The following AP4S1 variants were observed in gnomAD, a reference collection of about 807,000 sequenced individuals.
AP4S1 encodes adaptor related protein complex 4 subunit sigma 1.
In AP4S1, 23 loss-of-function variants were observed where a neutral mutation model predicts 19.8. The observed-to-expected ratio is 1.16, with a 90% CI of 0.84 to 1.65. The LOEUF is 1.65. Ranked by LOEUF, AP4S1 falls within the 40% of genes most tolerant of loss-of-function variation. The pLI is 0.00. For missense variants in AP4S1, 166 were observed against 172.8 expected (o/e 0.96, Z 0.22); for synonymous variants, 46 against 54.1 (o/e 0.85, Z 0.66).
chr14:31,079,782 T>C (rs1665229295), intron 4 of AP4S1, among the ~76,000 whole-genome samples: 1 of 152,114 alleles, frequency 6.6e-6, no homozygotes, highest in African/African-American at 2.4e-5. Flanking sequence ...ACCAAGATCA[T>C]GCCACTGCAC....
At chr14:31,065,629 T>C (rs1191536162) in intron 1 of AP4S1, among the ~76,000 whole-genome samples, 1 of 152,170 alleles carries the variant, frequency 6.6e-6, no homozygotes, top group Non-Finnish European at 1.5e-5. Context: ...TGAAAATTTA[T>C]CATTGGTTTT....
At chr14:31,080,719 C>A in intron 5 of AP4S1, 135 bp downstream of exon 5, 2 of 1,275,996 alleles carry the variant, frequency 1.6e-6, no homozygotes, top group Non-Finnish European at 2.3e-6. Context: ...ACAAGACAGC[C>A]AGAGGTGTGT....
At position 31,093,154 on chromosome 14, in the gene AP4S1, C is replaced by A; in HGVS notation, c.*119C>A. On this transcript the variant is annotated 3_prime_UTR_variant, in exon 6 of 6. Transcript: ENST00000542754. The stretch of plus-strand genomic sequence containing the variant: ...ACAATTACAAAATGGGGTATCCTTC[C>A]AAAGACATTATAAATAGGCATTTTC... 2.9e-6 allele frequency: 3 copies of A among 1,021,708 alleles called. No homozygotes were observed. Among genetic ancestry groups the A allele is most frequent in the Non-Finnish European group, 4.1e-6 (3 of 730,500 alleles). 63.3% of individuals were successfully genotyped at this position (1,021,708 alleles called of 1,614,324 possible).
chr14:31,055,081 T>C (rs1285005458), intron 1 of AP4S1, among the ~76,000 whole-genome samples: 2 of 150,580 alleles, frequency 1.3e-5, no homozygotes, highest in East Asian at 3.9e-4. Flanking sequence ...AAGGTATATC[T>C]CTGTATATCA....
intron 1 of AP4S1, among the ~76,000 whole-genome samples, chr14:31,047,810 C>G (rs567135934): frequency 6.6e-6 from 1 of 152,048 alleles, no homozygotes; most frequent in Admixed American, 6.6e-5. Context: ...ACAAGCCTCC[C>G]GAGTAGTTGG....
rs144109125 is a variant in AP4S1, at chr14:31,072,907, C to T, written c.228C>T (p.Asn76=). ...GTACCTTTCTTCTTTTATTGTAGAA[C>T]GAGATGGCTATTTATGAATTCATTC... is the stretch of plus-strand genomic sequence containing the variant. ...FIVVGVNDTE[N]EMAIYEFIHN... Residue 76 remains asparagine, a splice_region_variant and synonymous_variant, in exon 4 of 6, where the codon AAC becomes AAT. Transcript: ENST00000542754. 164 of 1,611,896 alleles carry T rather than the reference C, an allele frequency of 1.0e-4. No individual in the cohort carries two copies. The highest frequency in any genetic ancestry group is 7.1e-4 in the African/African-American group (53 of 74,992).
At chr14:31,081,931 A>G (rs1313666984) in intron 5 of AP4S1, among the ~76,000 whole-genome samples, 2 of 152,068 alleles carry the variant, frequency 1.3e-5, no homozygotes, top group Admixed American at 6.6e-5. Flanking sequence ...TCCTCACCTC[A>G]GATGATCCGC....
At position 31,069,872 on chromosome 14, in the gene AP4S1, G is replaced by A. The variant is rs371132403; in HGVS notation, c.168G>A (p.Lys56=). ...QCSFIEYKDF[K]LIYRQYAALF... ...CTTTCATTGAATATAAGGATTTTAA[G>A]CTGATATATCGGCAGTATGCAGCTC... Residue 56 remains lysine (K), a synonymous_variant, in exon 3 of 6, where the codon AAG becomes AAA. Transcript: ENST00000542754. 12 of 1,613,394 alleles carry A rather than the reference G, an allele frequency of 7.4e-6. No individual in the cohort carries two copies. The highest frequency in any genetic ancestry group is 9.3e-6 in the Non-Finnish European group (11 of 1,179,450).
rs1488470578 is a variant in AP4S1, at chr14:31,069,885, C to G, written c.181C>G (p.Gln61Glu). The change falls in exon 3 of 6, where the codon CAG becomes GAG. Residue 61 changes from glutamine (Q) to glutamate (E), a missense_variant. Physicochemically the swap from Gln to Glu is conservative, Grantham distance 29. Transcript: ENST00000542754. ...TAAGGATTTTAAGCTGATATATCGG[C>G]AGTATGCAGCTCTCTTCATTGTGGT... ...EYKDFKLIYR[Q>E]YAALFIVVGV... is the part of the protein sequence containing the mutation. The G allele has an allele frequency of 2.5e-6, 4 of 1,613,456 alleles. No homozygotes were observed. The African/African-American group carries it at 4.0e-5, about 16-fold the overall frequency.
chr14:31,048,600 G>A (rs191875127), intron 1 of AP4S1, among the ~76,000 whole-genome samples: 9 of 151,976 alleles, frequency 5.9e-5, no homozygotes, highest in African/African-American at 2.2e-4. Context: ...TTAGCTGGGC[G>A]TGGTGGCACA....
chr14:31,062,569 A>G (rs1251438284), intron 1 of AP4S1, among the ~76,000 whole-genome samples: 1 of 152,210 alleles, frequency 6.6e-6, no homozygotes, highest in Non-Finnish European at 1.5e-5. Flanking sequence ...CTTTCTTTGT[A>G]TTCTCAGAGG....
At chr14:31,064,981 C>T (rs968198938) in intron 1 of AP4S1, among the ~76,000 whole-genome samples, 1 of 152,042 alleles carries the variant, frequency 6.6e-6, no homozygotes, top group African/African-American at 2.4e-5. Context: ...AACAGAAGTA[C>T]CTACCTCAAA....
intron 1 of AP4S1, chr14:31,026,467 G>C (rs1276265258): frequency 2.6e-6 from 1 of 390,520 alleles, no homozygotes; most frequent in Non-Finnish European, 4.5e-6. Context: ...GCGGAGGGCC[G>C]TCACTAGCGC....
intron 5 of AP4S1, chr14:31,085,078 C>T (rs1261097786): frequency 2.3e-5 from 32 of 1,408,256 alleles, no homozygotes; most frequent in Non-Finnish European, 2.8e-5. Flanking sequence ...GCCTTCAGGC[C>T]TGGACAGCCA....
intron 1 of AP4S1, among the ~76,000 whole-genome samples, chr14:31,052,934 A>ATTTTTTT (rs1209280743): frequency 4.0e-5 from 4 of 101,210 alleles, no homozygotes; most frequent in African/African-American, 1.2e-4. Context: ...AGTGTGCTAA[A>ATTTTTTT]TTTTTTTTTT....
At chr14:31,054,867 CAAAAAAAAAAAAAAA>C (rs1162029946) in intron 1 of AP4S1, among the ~76,000 whole-genome samples, 2 of 46,380 alleles carry the variant, frequency 4.3e-5, no homozygotes, top group East Asian at 1.8e-3. Context: ...GACTCTGTCT[CAAAAAAAAAAAAAAA>C]AAAAAAAAAA....
chr14:31,047,450 C>T (rs573752205), intron 1 of AP4S1, among the ~76,000 whole-genome samples: 92 of 147,894 alleles, frequency 6.2e-4, no homozygotes, highest in African/African-American at 2.1e-3. Context: ...TGCAGTGGCG[C>T]GATCTTGACT....
chr14:31,085,797 A>G, intron 5 of AP4S1: 1 of 977,272 alleles, frequency 1.0e-6, no homozygotes, highest in Non-Finnish European at 1.2e-6. Context: ...AAACATCTTT[A>G]CAACATTCCT....
chr14:31,076,885 T>G (rs1284204049), intron 4 of AP4S1, among the ~76,000 whole-genome samples: 1 of 152,224 alleles, frequency 6.6e-6, no homozygotes, highest in Non-Finnish European at 1.5e-5. Flanking sequence ...CTTCCTGAGC[T>G]TTAGTTAGAC....
Sources: allele counts gnomAD v4.1 joint callset (sites outside exome capture counted in the v4.1 genomes callset), GRCh38; gene constraint gnomAD v4.1.1; transcripts MANE v1.5; gene names NCBI Gene and HGNC (gene_info 2026-07-23, HGNC 2026-07-21).